Variants in PLAC8L1 observed in about 807,000 individuals in gnomAD.
The protein encoded by PLAC8L1 is PLAC8 like 1.
In PLAC8L1, 13 loss-of-function variants were observed where a neutral mutation model predicts 16.3. The observed-to-expected ratio is 0.80, with a 90% CI of 0.52 to 1.27. The LOEUF is 1.27. Among genes scored for constraint, PLAC8L1 ranks in the 50% most tolerant of loss-of-function variants. PLAC8L1 has a pLI of 0.00. For synonymous variants in PLAC8L1, 78 were observed against 79.3 expected (o/e 0.98, Z 0.09); for missense variants, 184 against 220.2 (o/e 0.84, Z 1.04).
At chr5:146,086,024 CTTTTTTTTTTT>C (rs58130114) in intron 2 of PLAC8L1, among the ~76,000 whole-genome samples, 1 of 90,396 alleles carries the variant, frequency 1.1e-5, no homozygotes, top group African/African-American at 4.6e-5. Context: ...ATTGAAAGGT[CTTTTTTTTTTT>C]TTTTTTTTTT....
intron 2 of PLAC8L1, among the ~76,000 whole-genome samples, chr5:146,092,048 G>C (rs1351992149): frequency 6.6e-6 from 1 of 152,112 alleles, no homozygotes; most frequent in African/African-American, 2.4e-5. Context: ...CGCATGTGTG[G>C]AATGTTGCTC....
At chr5:146,085,332 G>A (rs1763490560) in intron 3 of PLAC8L1, 129 bp downstream of exon 3, 1 of 997,134 alleles carries the variant, frequency 1.0e-6, no homozygotes, top group Admixed American at 2.8e-5. Context: ...CTTTCTCAAA[G>A]TTTCCCACTA....
chr5:146,088,959 C>T (rs1394304827), intron 2 of PLAC8L1, among the ~76,000 whole-genome samples: 1 of 151,954 alleles, frequency 6.6e-6, no homozygotes, highest in Non-Finnish European at 1.5e-5. Flanking sequence ...TAGTGTAAAT[C>T]CCTGTAAATA....
At chr5:146,101,727 C>T (rs886922034) in intron 1 of PLAC8L1, among the ~76,000 whole-genome samples, 1 of 152,208 alleles carries the variant, frequency 6.6e-6, no homozygotes, top group African/African-American at 2.4e-5. Context: ...AAGTCTTGGG[C>T]ATGAATTGAT....
At position 146,084,475 on chromosome 5, in the gene PLAC8L1, T is replaced by C. The variant is rs200419990; in HGVS notation, c.491A>G (p.Tyr164Cys). The C allele has an allele frequency of 1.4e-5, 22 of 1,614,068 alleles. No homozygotes were observed. The highest frequency in any genetic ancestry group is 5.0e-5 in the Admixed American group (3 of 59,992). The change falls in exon 4 of 4, where the codon TAT becomes TGT. Residue 164 changes from tyrosine to cysteine, a missense_variant. Transcript: ENST00000311450. The stretch of plus-strand genomic sequence containing the variant: ...AGTCATTGGGACTGCACAGATTTCA[T>C]AGACTTGGGAGGTCCTCATCTTGAG... ...RELKMRTSQV[Y>C]EICAVPMTKD...
Position 146,090,953 on chromosome 5 carries a change from C to T in PLAC8L1, c.257-5356G>A, listed in dbSNP as rs150411645. On this transcript the variant is annotated intron_variant, in intron 2 of 3. Transcript: ENST00000311450. ...TCTGTAATCCCAGCTACTCGGGAGGCTGAGGCAGGAGAATTGCTTGAACCC... is the reference window on the plus strand; with the variant it reads ...TCTGTAATCCCAGCTACTCGGGAGGTTGAGGCAGGAGAATTGCTTGAACCC... Among the ~76,000 whole-genome samples, 1,184 of 152,070 alleles carry T rather than the reference C, an allele frequency of 7.8e-3. 14 individuals carry two copies. The highest frequency in any genetic ancestry group is 0.027 in the African/African-American group (1,125 of 41,472).
At chr5:146,085,363 C>T in intron 3 of PLAC8L1, 98 bp downstream of exon 3, 2 of 1,360,156 alleles carry the variant, frequency 1.5e-6, no homozygotes, top group Non-Finnish European at 2.0e-6. Flanking sequence ...GTTTCAACAT[C>T]CTCACCCACC....
intron 2 of PLAC8L1, among the ~76,000 whole-genome samples, chr5:146,096,730 G>C (rs1763724187): frequency 1.3e-5 from 2 of 152,056 alleles, no homozygotes; most frequent in East Asian, 3.9e-4. Context: ...TACTATTCTG[G>C]GGCCAGATCT....
intron 2 of PLAC8L1, among the ~76,000 whole-genome samples, chr5:146,089,450 G>A (rs1763574202): frequency 6.6e-6 from 1 of 152,024 alleles, no homozygotes; most frequent in Non-Finnish European, 1.5e-5. Flanking sequence ...CAATCCTATA[G>A]GTATTCTTCT....
chr5:146,102,677 C>T (rs1164099431), intron 1 of PLAC8L1, among the ~76,000 whole-genome samples: 1 of 152,144 alleles, frequency 6.6e-6, no homozygotes, highest in Non-Finnish European at 1.5e-5. Flanking sequence ...TGCTCATTTA[C>T]CTATCAAATT....
At chr5:146,092,644 C>A (rs1044148440) in intron 2 of PLAC8L1, among the ~76,000 whole-genome samples, 1 of 148,522 alleles carries the variant, frequency 6.7e-6, no homozygotes, top group Non-Finnish European at 1.5e-5. Context: ...CGGGTTCAAG[C>A]GATTTTCCTG....
At position 146,084,408 on chromosome 5, in the gene PLAC8L1, T is replaced by C. The variant is rs952299750; in HGVS notation, c.*24A>G. ...GGTTTGAGAGGAGGGTGTTGGGGAG[T>C]AAGGAGGAGGAGTTATCTTGCTGTC... On this transcript the variant is annotated 3_prime_UTR_variant, in exon 4 of 4. Transcript: ENST00000311450. 1.2e-6 allele frequency: 2 copies of C among 1,609,482 alleles called. No homozygotes were observed. The highest frequency in any genetic ancestry group is 1.7e-6 in the Non-Finnish European group (2 of 1,177,424).
At chr5:146,084,759 G>A (rs1763480034) in intron 3 of PLAC8L1, among the ~76,000 whole-genome samples, 187 bp from the exon 4 acceptor site, 2 of 152,236 alleles carry the variant, frequency 1.3e-5, no homozygotes, top group African/African-American at 2.4e-5. Context: ...ATCAATGCCT[G>A]CGATTCAGAG....
intron 1 of PLAC8L1, chr5:146,103,572 A>C (rs1335550331): frequency 1.8e-5 from 15 of 829,956 alleles, no homozygotes; most frequent in Non-Finnish European, 2.2e-5. Flanking sequence ...AAACCAGTAC[A>C]GTTCCAGGCA....
chr5:146,086,264 C>G (rs947152171), intron 2 of PLAC8L1, among the ~76,000 whole-genome samples: 9 of 151,744 alleles, frequency 5.9e-5, no homozygotes, highest in African/African-American at 4.8e-5. Flanking sequence ...CTCCTGACCT[C>G]GTGATCCGCC....
chr5:146,091,991 C>T (rs978687269), intron 2 of PLAC8L1, among the ~76,000 whole-genome samples: 2 of 151,852 alleles, frequency 1.3e-5, no homozygotes, highest in Non-Finnish European at 2.9e-5. Context: ...TATGTAAGCA[C>T]GCACAGTATA....
At chr5:146,090,512 G>A (rs1037762700) in intron 2 of PLAC8L1, among the ~76,000 whole-genome samples, 1 of 151,172 alleles carries the variant, frequency 6.6e-6, no homozygotes, top group Non-Finnish European at 1.5e-5. Context: ...TCCAGGCTGG[G>A]CAAAGGAATG....
intron 2 of PLAC8L1, among the ~76,000 whole-genome samples, chr5:146,086,106 T>A (rs2150033110): frequency 7.2e-6 from 1 of 138,426 alleles, no homozygotes; most frequent in South Asian, 2.4e-4. Context: ...CTCGGCTCAC[T>A]GCAAGCTCCG....
At chr5:146,086,219 C>T (rs951547559) in intron 2 of PLAC8L1, among the ~76,000 whole-genome samples, 17 of 151,148 alleles carry the variant, frequency 1.1e-4, no homozygotes, top group Non-Finnish European at 2.2e-4. Flanking sequence ...TTAGTAGAGA[C>T]GGGGTTTCAC....
Sources: allele counts gnomAD v4.1 joint callset (sites outside exome capture counted in the v4.1 genomes callset), GRCh38; gene constraint gnomAD v4.1.1; transcripts MANE v1.5; gene names NCBI Gene and HGNC (gene_info 2026-07-23, HGNC 2026-07-21).